Variants in PRR5 observed in about 807,000 individuals in gnomAD.
The protein encoded by PRR5 is proline-rich protein 5.
PRR5 carries 25 observed loss-of-function variants against 30.6 expected under a neutral mutation model. That is an observed-to-expected ratio of 0.82 (90% CI 0.60 to 1.14). The LOEUF (loss-of-function observed/expected upper bound fraction) is 1.14. Among genes scored for constraint, PRR5 ranks in the 50% most tolerant of loss-of-function variants. The probability of loss-of-function intolerance (pLI) is 0.00; values close to 1 mark genes in which losing one functional copy is unlikely to be tolerated. For synonymous variants in PRR5, 286 were observed against 247.1 expected (o/e 1.16, Z -1.48); for missense variants, 600 against 547.1 (o/e 1.10, Z -0.96).
At position 44,732,167 on chromosome 22, in the gene PRR5, C is replaced by G. The variant is rs375473009; in HGVS notation, c.415-84C>G. 136 of 1,569,866 alleles carry G rather than the reference C, an allele frequency of 8.7e-5. No homozygotes were observed. The African/African-American group carries it at 1.6e-3, about 18-fold the overall frequency. ...GCCTGAGGGTCGGCAGGTCTCTTCC[C>G]CCTGTGGGGTCCCAGGACCGGGAGA... On this transcript the variant is annotated intron_variant, in intron 5 of 7. Coordinates refer to ENST00000336985, the MANE Select transcript of PRR5 (RefSeq NM_181333.4).
chr22:44,723,383 G>C (rs954935100), intron 2 of PRR5, among the ~76,000 whole-genome samples: 2 of 152,072 alleles, frequency 1.3e-5, no homozygotes, highest in African/African-American at 4.8e-5. Flanking sequence ...ACAGAGAAAT[G>C]AAAAAGATTG....
chr22:44,722,452 G>A (rs1340653786), intron 2 of PRR5, among the ~76,000 whole-genome samples: 1 of 152,224 alleles, frequency 6.6e-6, no homozygotes, highest in Non-Finnish European at 1.5e-5. Context: ...TGATGGCCAG[G>A]TGCAGAAGCA....
upstream of PRR5, among the ~76,000 whole-genome samples, chr22:44,699,067 G>C (rs925303999): frequency 6.6e-6 from 1 of 152,224 alleles, no homozygotes; most frequent in Non-Finnish European, 1.5e-5. Flanking sequence ...TGGGGCCAGG[G>C]AGAGGTTATA....
chr22:44,675,044 G>A (rs576539261), upstream of PRR5, among the ~76,000 whole-genome samples: 80 of 150,126 alleles, frequency 5.3e-4, no homozygotes, highest in Non-Finnish European at 9.2e-4. Context: ...ATCAGGAGAT[G>A]GAGACCATCC....
intron 2 of PRR5, among the ~76,000 whole-genome samples, chr22:44,723,049 G>A (rs985052106): frequency 2.7e-5 from 4 of 150,540 alleles, no homozygotes; most frequent in South Asian, 2.1e-4. Flanking sequence ...GCAGTGGTGC[G>A]ATCTCAGCCC....
At position 44,691,001 on chromosome 22, in the gene PRR5, G is replaced by A. The variant is rs1925188553; in HGVS notation, c.-10-11491G>A. Among the ~76,000 whole-genome samples, 1 of 152,088 alleles carries A rather than the reference G, an allele frequency of 6.6e-6. No individual in the cohort carries two copies. Among genetic ancestry groups the A allele is most frequent in the African/African-American group, 2.4e-5 (1 of 41,426 alleles). On this transcript the variant is annotated intron_variant, in intron 1 of 8. Transcript: ENST00000006251. This position sits in a 1 kb window ranked among gnomAD's most constrained non-coding sequence, Gnocchi z 4.4. The stretch of plus-strand genomic sequence containing the variant: ...AGAGGGCCTCATCCAGAGCCTCTGA[G>A]CAGCCAGGGCAGAGGCATCCTGGGT...
intron 1 of PRR5, among the ~76,000 whole-genome samples, chr22:44,688,936 C>T (rs1010464129): frequency 3.3e-5 from 5 of 151,938 alleles, no homozygotes; most frequent in South Asian, 2.1e-4. Context: ...TGCAGTGAGC[C>T]GAGATCACTC....
At chr22:44,730,548 C>G in intron 4 of PRR5, 1 of 988,650 alleles carries the variant, frequency 1.0e-6, no homozygotes, top group Non-Finnish European at 1.2e-6. Context: ...CCGTTCCTCT[C>G]AAGGCCAGCA....
intron 2 of PRR5, among the ~76,000 whole-genome samples, chr22:44,719,957 C>G (rs1297498227): frequency 6.6e-6 from 1 of 152,200 alleles, no homozygotes; most frequent in African/African-American, 2.4e-5. Context: ...GCTGACATCC[C>G]AGGTATACCC....
At chr22:44,698,432 T>C (rs1404438587), upstream of PRR5, among the ~76,000 whole-genome samples, 1 of 151,608 alleles carries the variant, frequency 6.6e-6, no homozygotes, top group Non-Finnish European at 1.5e-5. Flanking sequence ...TCTGGTGGCT[T>C]TGGGGATGTG....
chr22:44,709,722 C>T (rs182323726), intron 1 of PRR5, among the ~76,000 whole-genome samples: 5 of 152,036 alleles, frequency 3.3e-5, no homozygotes, highest in South Asian at 2.1e-4. Flanking sequence ...AGTGGTGGCG[C>T]GCACCTGTAA....
intron 6 of PRR5, among the ~76,000 whole-genome samples, chr22:44,732,765 A>T (rs1049144239): frequency 6.9e-5 from 10 of 144,706 alleles, no homozygotes; most frequent in Admixed American, 6.0e-4. Flanking sequence ...CACACGCTAC[A>T]CACATGCCTG....
At chr22:44,719,911 G>T (rs922575694) in intron 2 of PRR5, among the ~76,000 whole-genome samples, 1 of 152,194 alleles carries the variant, frequency 6.6e-6, no homozygotes, top group Non-Finnish European at 1.5e-5. Flanking sequence ...CTGCTTTCTG[G>T]CCCTGCAGAC....
chr22:44,669,498 C>T (rs1303706889), intron 1 of PRR5, among the ~76,000 whole-genome samples: 2 of 152,226 alleles, frequency 1.3e-5, no homozygotes, highest in African/African-American at 4.8e-5. Flanking sequence ...GAGACACCCT[C>T]ACCATCCCTT....
At chr22:44,676,040 A>C (rs949445), upstream of PRR5, among the ~76,000 whole-genome samples, 17 of 151,944 alleles carry the variant, frequency 1.1e-4, no homozygotes, top group African/African-American at 4.1e-4. Flanking sequence ...ACTGGCTCAG[A>C]TGGGCAAGTT....
chr22:44,669,415 A>C (rs1601937506), intron 1 of PRR5, among the ~76,000 whole-genome samples: 1 of 152,054 alleles, frequency 6.6e-6, no homozygotes, highest in Admixed American at 6.5e-5. Flanking sequence ...GGGCAGGTGG[A>C]GGCAGCAGGC....
intron 1 of PRR5, among the ~76,000 whole-genome samples, chr22:44,712,684 A>G (rs910147803): frequency 3.3e-5 from 5 of 152,206 alleles, no homozygotes; most frequent in African/African-American, 1.2e-4. Context: ...GCATGGTGGC[A>G]GCTGCCTGCT....
intron 5 of PRR5, among the ~76,000 whole-genome samples, chr22:44,732,039 A>G (rs776384201): frequency 2.0e-5 from 3 of 152,228 alleles, no homozygotes; most frequent in Non-Finnish European, 4.4e-5. Flanking sequence ...GCAGCGAGGC[A>G]CAGCGTAGGG....
chr22:44,731,632 G>C (rs1569109057), intron 4 of PRR5, 98 bp from the exon 5 acceptor site: 1 of 1,238,882 alleles, frequency 8.1e-7, no homozygotes. Context: ...CTGAGCCCAG[G>C]CCCTCCACTC....
Sources: allele counts gnomAD v4.1 joint callset (sites outside exome capture counted in the v4.1 genomes callset), GRCh38; gene constraint gnomAD v4.1.1; non-coding constraint Gnocchi (gnomAD v3.1); transcripts MANE v1.5; gene names NCBI Gene and HGNC (gene_info 2026-07-23, HGNC 2026-07-21).